The following LDB1 variants were observed in gnomAD, a reference collection of about 807,000 sequenced individuals.
LDB1 encodes LIM domain-binding protein 1.
LDB1 carries 6 observed loss-of-function variants against 49.7 expected under a neutral mutation model. The ratio of observed to expected loss-of-function variants is 0.12; its 90% CI spans 0.07 to 0.24. The LOEUF (loss-of-function observed/expected upper bound fraction) is 0.24, where lower values mean the gene tolerates loss of function less well. Among genes scored for constraint, LDB1 ranks in the 10% least tolerant of loss-of-function variants. The pLI is 1.00. For synonymous variants in LDB1, 233 were observed against 202.0 expected (o/e 1.15, Z -1.30); for missense variants, 341 against 561.7 (o/e 0.61, Z 3.97).
downstream of LDB1, among the ~76,000 whole-genome samples, chr10:102,102,240 A>G (rs1486648219): frequency 1.3e-5 from 2 of 152,248 alleles, no homozygotes; most frequent in Non-Finnish European, 2.9e-5. Context: ...TGATAGCCTT[A>G]TAAGTAAATG....
chr10:102,120,321 G>T lies in LDB1; in HGVS notation c.-211C>A, dbSNP rs2068401369. The stretch of plus-strand genomic sequence containing the variant: ...CAGGAAGGAAGCCAGGCAGGAAGGC[G>T]AGCGGCCTCTGCGTGTGTGCGCGCG... On this transcript the variant is annotated 5_prime_UTR_variant, in exon 1 of 11. Coordinates refer to ENST00000673968, the MANE Select transcript of LDB1 (RefSeq NM_001113407.3). 6 of 984,524 alleles carry T rather than the reference G, an allele frequency of 6.1e-6. No individual in the cohort carries two copies. The highest frequency in any genetic ancestry group is 6.0e-6 in the Non-Finnish European group (5 of 829,838). 61.0% of individuals were successfully genotyped at this position (984,524 alleles called of 1,614,324 possible).
At chr10:102,112,424 G>C (rs146904472) in intron 1 of LDB1, among the ~76,000 whole-genome samples, 15 of 152,252 alleles carry the variant, frequency 9.9e-5, no homozygotes, top group African/African-American at 3.4e-4. Flanking sequence ...AGACCAAAGT[G>C]GGGGAGGAAA....
At chr10:102,104,040 C>T (rs2815395), downstream of LDB1, among the ~76,000 whole-genome samples, 138 of 150,370 alleles carry the variant, frequency 9.2e-4, no homozygotes, top group African/African-American at 2.8e-3. Flanking sequence ...CCAGCCTGGG[C>T]GACACAGCAA....
intron 1 of LDB1, chr10:102,114,711 C>T (rs982000914): frequency 7.4e-6 from 6 of 807,156 alleles, no homozygotes; most frequent in Non-Finnish European, 4.5e-6. Flanking sequence ...TCTTTGTTTG[C>T]AAGGTTTCCC....
At chr10:102,116,746 C>A (rs1434379934) in intron 1 of LDB1, among the ~76,000 whole-genome samples, 1 of 152,166 alleles carries the variant, frequency 6.6e-6, no homozygotes. Context: ...AGAATAAACC[C>A]CAGCTTTCAC....
chr10:102,120,928 T>C (rs1448832557), upstream of LDB1, among the ~76,000 whole-genome samples: 2 of 149,726 alleles, frequency 1.3e-5, no homozygotes, highest in African/African-American at 5.1e-5. Flanking sequence ...ACGCCAGCCT[T>C]CTTCTGGAGG....
At chr10:102,110,821 G>A (rs763174555) in intron 5 of LDB1, 48 bp downstream of exon 5, 20 of 1,583,542 alleles carry the variant, frequency 1.3e-5, no homozygotes, top group Admixed American at 3.3e-5. Context: ...ACCTTAGAAC[G>A]ACATAGGAGG....
intron 1 of LDB1, chr10:102,114,954 C>CCCTG (rs1382285401): frequency 2.0e-6 from 1 of 511,498 alleles, no homozygotes; most frequent in African/African-American, 2.1e-5. Flanking sequence ...CCCTTTCTCT[C>CCCTG]CCTGCCTCCC....
In LDB1 at chr10:102,106,889, C is replaced by T. The variant is rs889389827; in HGVS notation, c.*1204G>A. On this transcript the variant is annotated 3_prime_UTR_variant, in exon 11 of 11. Coordinates refer to ENST00000673968, the MANE Select transcript of LDB1 (RefSeq NM_001113407.3). ...TGTGAGGAAGGAGCGGCAGGGGATA[C>T]TGGCAGGTGAAGACCCTCTACCTCT... is the stretch of plus-strand genomic sequence containing the variant. Among the ~76,000 whole-genome samples the T allele has an allele frequency of 3.3e-5, 5 of 152,132 alleles. No individual in the cohort carries two copies. Among genetic ancestry groups the T allele is most frequent in the African/African-American group, 1.2e-4 (5 of 41,402 alleles).
At chr10:102,120,715 G>A (rs1047998312), upstream of LDB1, among the ~76,000 whole-genome samples, 2 of 152,208 alleles carry the variant, frequency 1.3e-5, no homozygotes, top group African/African-American at 4.8e-5. Flanking sequence ...GGAGGGCGAA[G>A]GGGAGGGCTT....
intron 1 of LDB1, among the ~76,000 whole-genome samples, chr10:102,119,727 A>C (rs772156701): frequency 2.3e-4 from 31 of 135,764 alleles, no homozygotes; most frequent in Non-Finnish European, 3.8e-4. Context: ...CCAGCCAATC[A>C]CAACTCTATG....
chr10:102,111,186 G>A (rs374866436), intron 3 of LDB1, 42 bp from the exon 4 acceptor site: 2 of 1,609,716 alleles, frequency 1.2e-6, no homozygotes, highest in South Asian at 2.2e-5. Context: ...AGCGGAGCCT[G>A]CCCCCTCCAC....
chr10:102,110,340 G>A (rs2068233474), intron 6 of LDB1, 189 bp downstream of exon 6: 1 of 662,228 alleles, frequency 1.5e-6, no homozygotes, highest in Non-Finnish European at 2.5e-6. Flanking sequence ...TGTAGCCTTG[G>A]GGCCCAGAAA....
chr10:102,102,703 G>A (rs1236449827), downstream of LDB1, among the ~76,000 whole-genome samples: 2 of 152,200 alleles, frequency 1.3e-5, no homozygotes, highest in Admixed American at 6.6e-5. Flanking sequence ...TAGGGTGGGG[G>A]TTAGGAGGAG....
At chr10:102,104,761 C>T (rs953808420), downstream of LDB1, among the ~76,000 whole-genome samples, 2 of 152,142 alleles carry the variant, frequency 1.3e-5, no homozygotes, top group African/African-American at 2.4e-5. Context: ...CGTGAACCTA[C>T]AAATACCCAA....
chr10:102,120,420 C>A, upstream of LDB1: 1 of 982,700 alleles, frequency 1.0e-6, no homozygotes, highest in Non-Finnish European at 1.2e-6. Flanking sequence ...TGCGCTCCCG[C>A]CGCCGTCGCC....
rs948683729 is a variant in LDB1, at chr10:102,117,300, T to C, written c.25+2786A>G. 6.6e-6 allele frequency among the ~76,000 whole-genome samples: 1 copy of C among 152,170 alleles called. No homozygotes were observed. The highest frequency in any genetic ancestry group is 2.4e-5 in the African/African-American group (1 of 41,430). On this transcript the variant is annotated intron_variant, in intron 1 of 10. Coordinates refer to ENST00000673968, the MANE Select transcript of LDB1 (RefSeq NM_001113407.3). The surrounding 1 kb of genome is among the most constrained non-coding windows in gnomAD (Gnocchi z 4.2). ...CCATTCAAAACAGGCCTTCTAGTTA[T>C]TCTCTAGCAAGTCTGCTCCTTTCTC...
rs1264026746 is a variant in LDB1 at position 102,114,855 on chromosome 10, C to T, written c.26-3319G>A. Reference sequence around the variant, plus strand: ...GGCCACCGGGCCCCTCTGCTGGGGGCACCAGGAGAGGCAGGACCCGGCACT... The same window carrying T: ...GGCCACCGGGCCCCTCTGCTGGGGGTACCAGGAGAGGCAGGACCCGGCACT... On this transcript the variant is annotated intron_variant, in intron 1 of 10. Transcript: ENST00000673968. The T allele has an allele frequency of 1.6e-5, 11 of 668,332 alleles. No individual in the cohort carries two copies. The African/African-American group carries it at 2.3e-4, about 14-fold the overall frequency. The allele number at this position is 668,332 out of a possible 1,614,324, so 41.4% of individuals were successfully genotyped here.
downstream of LDB1, among the ~76,000 whole-genome samples, chr10:102,102,399 G>A (rs925365674): frequency 2.0e-5 from 3 of 152,214 alleles, no homozygotes; most frequent in African/African-American, 7.2e-5. Flanking sequence ...GGGTGATGGG[G>A]AGAAGATTTT....
Sources: gnomAD v4.1 joint callset for allele counts (sites outside exome capture counted in the v4.1 genomes callset) on GRCh38, gnomAD v4.1.1 for gene constraint, Gnocchi (gnomAD v3.1) non-coding constraint, MANE v1.5 for transcripts, NCBI Gene and HGNC (gene_info 2026-07-23, HGNC 2026-07-21) for gene names.